IDI1: variants seen among roughly 807,000 people sequenced by gnomAD.
IDI1 encodes isopentenyl-diphosphate Delta-isomerase 1.
A neutral mutation model predicts 32.9 loss-of-function variants in IDI1; 23 were observed. The observed-to-expected ratio is 0.70, with a 90% CI of 0.50 to 0.99. The LOEUF (loss-of-function observed/expected upper bound fraction) is 0.99. Among genes scored for constraint, IDI1 ranks in the 50% least tolerant of loss-of-function variants. The pLI, the probability that IDI1 is intolerant of heterozygous loss-of-function variation, is 0.00. For synonymous variants in IDI1, 133 were observed against 128.2 expected (o/e 1.04, Z -0.25); for missense variants, 326 against 351.9 (o/e 0.93, Z 0.59).
At chr10:1,043,041 T>C (rs7075492) in intron 3 of IDI1, among the ~76,000 whole-genome samples, 7,068 of 152,286 alleles carry the variant, frequency 0.046, 511 homozygotes, top group African/African-American at 0.15. Flanking sequence ...AATACTTCTT[T>C]AACCAAAAAA....
chr10:1,046,014 T>C (rs1328890681), intron 1 of IDI1, among the ~76,000 whole-genome samples: 2 of 152,200 alleles, frequency 1.3e-5, no homozygotes, highest in Non-Finnish European at 2.9e-5. Context: ...GGAAGTCAAC[T>C]TCAGAGTTAG....
intron 4 of IDI1, among the ~76,000 whole-genome samples, chr10:1,041,760 A>G (rs1237421471): frequency 1.3e-5 from 2 of 151,762 alleles, no homozygotes; most frequent in African/African-American, 2.4e-5. Context: ...TTAATGTTAA[A>G]AAAAGGGGCA....
chr10:1,055,843 C>T, the IDI1 span, among the ~76,000 whole-genome samples: 1 of 152,052 alleles, frequency 6.6e-6, no homozygotes, highest in African/African-American at 2.4e-5. Context: ...CGGAGGCTCG[C>T]TCTGTCCCAG....
chr10:1,043,031 A>T (rs559865264), intron 3 of IDI1, among the ~76,000 whole-genome samples: 1 of 152,350 alleles, frequency 6.6e-6, no homozygotes, highest in Non-Finnish European at 1.5e-5. Context: ...GTTCCTTATT[A>T]ATACTTCTTT....
rs762502453 is a variant in IDI1 at position 1,048,932 on chromosome 10, G to C, written c.72C>G (p.Arg24=). 6.3e-7 allele frequency: 1 copy of C among 1,592,892 alleles called. No individual in the cohort carries two copies. Among genetic ancestry groups the C allele is most frequent in the Non-Finnish European group, 8.5e-7 (1 of 1,172,652 alleles). ...AARGRGQWAV[R]AADCAQSGRH... ...GCCCGCTTTGAGCACAGTCTGCGGC[G>C]CGCACCGCCCACTGGCCCCGCCCCC... The change falls in exon 1 of 5, where the codon CGC becomes CGG. Residue 24 remains arginine (R), a synonymous_variant. Coordinates refer to ENST00000381344, the MANE Select transcript of IDI1 (RefSeq NM_004508.4).
chr10:1,051,847 T>C (rs1338690047), upstream of IDI1, among the ~76,000 whole-genome samples: 1 of 152,030 alleles, frequency 6.6e-6, no homozygotes, highest in African/African-American at 2.4e-5. Flanking sequence ...TTGACAATTC[T>C]TTTCATGAAA....
At position 1,048,829 on chromosome 10, in the gene IDI1, CCT is replaced by C. The variant is rs770886898; in HGVS notation, c.140+33_140+34del. 12 of 1,599,024 alleles carry C rather than the reference CCT, an allele frequency of 7.5e-6. No homozygotes were observed. In the East Asian group the frequency reaches 1.6e-4, roughly 21 times the overall value. ...CGCAGCTCCCCGATGCCGCCCTGCC[CCT>C]GTCTCCCGAACTCCGCCGCCCGTCC... On this transcript the variant is annotated intron_variant, in intron 1 of 4. Coordinates refer to ENST00000381344, the MANE Select transcript of IDI1 (RefSeq NM_004508.4).
At chr10:1,044,860 A>G (rs1832753686) in intron 1 of IDI1, among the ~76,000 whole-genome samples, 1 of 152,260 alleles carries the variant, frequency 6.6e-6, no homozygotes, top group African/African-American at 2.4e-5. Context: ...GCTTTAAGGC[A>G]GTGCTTGGCA....
rs909370724 is a variant in IDI1, at chr10:1,045,550, C to T, written c.141-1379G>A. Reference sequence around the variant, plus strand: ...GGTGCAATCTCAGCTCACTACAACCCCCACCTCCTGGGTTCAAGTGATTCT... The same window carrying T: ...GGTGCAATCTCAGCTCACTACAACCTCCACCTCCTGGGTTCAAGTGATTCT... On this transcript the variant is annotated intron_variant, in intron 1 of 4. Transcript: ENST00000381344. Among the ~76,000 whole-genome samples, 3 of 152,148 alleles carry T rather than the reference C, an allele frequency of 2.0e-5. No individual in the cohort carries two copies. The East Asian group carries it at 5.8e-4, about 29-fold the overall frequency.
Position 1,041,414 on chromosome 10 carries a change from A to T in IDI1, c.628T>A (p.Leu210Met). Residue 210 changes from leucine to methionine, a missense_variant, in exon 5 of 5, where the codon TTG (leucine) becomes ATG (methionine). Physicochemically the swap from Leu to Met is conservative, Grantham distance 15. Transcript: ENST00000381344. ...IWGEHEIDYI[L>M]LVRKNVTLNP... ...AAAGTTACATTCTTCCTCACCAACA[A>T]AATGTAATCAATTTCATGTTCACCC... 2 of 1,610,594 alleles carry T rather than the reference A, an allele frequency of 1.2e-6. No individual in the cohort carries two copies. The highest frequency in any genetic ancestry group is 1.7e-6 in the Non-Finnish European group (2 of 1,176,968).
Position 1,040,156 on chromosome 10 carries a change from A to G in IDI1, c.*1031T>C, listed in dbSNP as rs1359841786. The G allele has an allele frequency of 1.3e-5, 2 of 152,240 alleles. No homozygotes were observed. The highest frequency in any genetic ancestry group is 1.3e-4 in the Admixed American group (2 of 15,284). 9.4% of individuals were successfully genotyped at this position (152,240 alleles called of 1,614,324 possible). On this transcript the variant is annotated 3_prime_UTR_variant, in exon 5 of 5. Coordinates refer to ENST00000381344, the MANE Select transcript of IDI1 (RefSeq NM_004508.4). ...TAAAAAGTACATTGATCAAGGTACA[A>G]TTTTTAACATTAATATACACATTCC...
chr10:1,048,206 C>G (rs1832858682), intron 1 of IDI1: 1 of 1,284,072 alleles, frequency 7.8e-7, no homozygotes, highest in African/African-American at 1.5e-5. Context: ...GATTTTAAAG[C>G]TAAGCTGCAT....
intron 1 of IDI1, chr10:1,048,557 C>T: frequency 7.5e-7 from 1 of 1,330,706 alleles, no homozygotes; most frequent in Non-Finnish European, 9.7e-7. Context: ...TTTCCAGTTC[C>T]ACGAGTTCCT....
chr10:1,049,928 C>T (rs1564489883), upstream of IDI1, among the ~76,000 whole-genome samples: 1 of 152,182 alleles, frequency 6.6e-6, no homozygotes, highest in Non-Finnish European at 1.5e-5. Context: ...GCTGAGATTC[C>T]GGGTGTGAGC....
chr10:1,055,689 T>C, the IDI1 span, among the ~76,000 whole-genome samples: 1 of 150,876 alleles, frequency 6.6e-6, no homozygotes, highest in East Asian at 1.9e-4. Flanking sequence ...TTTATTAATA[T>C]ACTTAATGCA....
the IDI1 span, among the ~76,000 whole-genome samples, chr10:1,055,920 T>A: frequency 6.6e-6 from 1 of 152,174 alleles, no homozygotes; most frequent in Admixed American, 6.5e-5. Flanking sequence ...GCGATTCTCC[T>A]GCCTCAGCCT....
intron 1 of IDI1, among the ~76,000 whole-genome samples, chr10:1,045,793 A>G (rs1433088288): frequency 6.6e-6 from 1 of 152,206 alleles, no homozygotes; most frequent in Non-Finnish European, 1.5e-5. Context: ...ACAGAGTTCA[A>G]GCATACTGCA....
chr10:1,043,271 C>T (rs990754841), intron 3 of IDI1, 30 bp downstream of exon 3: 17 of 1,278,034 alleles, frequency 1.3e-5, no homozygotes, highest in Non-Finnish European at 1.9e-5. Context: ...AATGTACAAA[C>T]ACAATATTGT....
intron 4 of IDI1, chr10:1,042,417 A>G (rs908564907): frequency 7.9e-6 from 4 of 507,364 alleles, no homozygotes; most frequent in Non-Finnish European, 1.1e-5. Context: ...AGTGCTTAAC[A>G]GATCAATCCA....
Sources: gnomAD v4.1 joint callset for allele counts (sites outside exome capture counted in the v4.1 genomes callset) on GRCh38, gnomAD v4.1.1 for gene constraint, MANE v1.5 for transcripts, NCBI Gene and HGNC (gene_info 2026-07-23, HGNC 2026-07-21) for gene names.